The following MICU2 variants were observed in gnomAD, a reference collection of about 807,000 sequenced individuals.
MICU2 encodes the protein mitochondrial calcium uptake 2, also known as calcium uptake protein 2, mitochondrial.
Under a neutral mutation model 60.4 loss-of-function variants are expected in MICU2, and 64 were observed. The observed-to-expected ratio is 1.06, with a 90% CI of 0.87 to 1.31. The LOEUF is 1.31. Among genes scored for constraint, MICU2 ranks in the 50% most tolerant of loss-of-function variants. The pLI is 0.00. For synonymous variants in MICU2, 201 were observed against 175.0 expected, an observed-to-expected ratio of 1.15 and a Z score of -1.17; for missense variants, 569 against 531.0, an observed-to-expected ratio of 1.07 and a Z score of -0.70.
At chr13:21,513,513 G>A (rs762827704) in intron 7 of MICU2, among the ~76,000 whole-genome samples, 1 of 151,834 alleles carries the variant, frequency 6.6e-6, no homozygotes, top group Non-Finnish European at 1.5e-5. Flanking sequence ...CGAAGCGGGC[G>A]GATCACCTGA....
intron 7 of MICU2, 51 bp from the exon 8 acceptor site, chr13:21,510,152 T>G (rs1886392206): frequency 1.3e-5 from 12 of 911,456 alleles, no homozygotes; most frequent in Non-Finnish European, 1.8e-5. Flanking sequence ...AGAATAAAAA[T>G]AGAATCTGTA....
At chr13:21,512,445 A>ATTTT (rs139822285) in intron 7 of MICU2, among the ~76,000 whole-genome samples, 6 of 125,234 alleles carry the variant, frequency 4.8e-5, no homozygotes, top group East Asian at 4.8e-4. Context: ...CAAATTTTTA[A>ATTTT]TTTTTTTTTT....
intron 10 of MICU2, chr13:21,495,850 G>C: frequency 2.2e-6 from 1 of 455,952 alleles, no homozygotes; most frequent in Non-Finnish European, 3.9e-6. Context: ...CTTCTTTTTA[G>C]GAGAATGAGA....
intron 9 of MICU2, among the ~76,000 whole-genome samples, chr13:21,499,733 A>G (rs371126452): frequency 9.9e-5 from 15 of 152,006 alleles, no homozygotes; most frequent in African/African-American, 3.1e-4. Context: ...CTGTACATCT[A>G]TCAGAGGCAC....
At chr13:21,547,047 T>C (rs1032994749) in intron 2 of MICU2, among the ~76,000 whole-genome samples, 9 of 152,178 alleles carry the variant, frequency 5.9e-5, no homozygotes, top group African/African-American at 1.9e-4. Context: ...GCAGTGAAAA[T>C]GGACAGCCTT....
chr13:21,573,691 C>T (rs762618510), intron 1 of MICU2, among the ~76,000 whole-genome samples: 3 of 151,508 alleles, frequency 2.0e-5, no homozygotes, highest in East Asian at 1.9e-4. Flanking sequence ...ATGCCTTGAC[C>T]GCTGCATTCA....
intron 1 of MICU2, among the ~76,000 whole-genome samples, chr13:21,597,005 GA>G (rs1399446129): frequency 6.6e-6 from 1 of 152,142 alleles, no homozygotes; most frequent in African/African-American, 2.4e-5. Context: ...TAATTGAAAT[GA>G]AAATATAATC....
chr13:21,530,076 G>T (rs904771389), intron 4 of MICU2, among the ~76,000 whole-genome samples: 1 of 152,184 alleles, frequency 6.6e-6, no homozygotes, highest in Non-Finnish European at 1.5e-5. Context: ...TAACTCTCCA[G>T]TTCTGCCTCA....
intron 2 of MICU2, among the ~76,000 whole-genome samples, chr13:21,562,299 A>G (rs998245904): frequency 4.6e-5 from 7 of 152,166 alleles, no homozygotes; most frequent in Non-Finnish European, 1.0e-4. Flanking sequence ...TGACTTCCAC[A>G]ATGGTTGAAC....
intron 6 of MICU2, chr13:21,515,756 T>C (rs1303952894): frequency 5.5e-6 from 1 of 182,498 alleles, no homozygotes; most frequent in East Asian, 1.3e-4. Flanking sequence ...ATTACGTTTG[T>C]TTTAGGCAAG....
intron 9 of MICU2, among the ~76,000 whole-genome samples, chr13:21,501,356 G>A (rs894333700): frequency 6.6e-6 from 1 of 151,892 alleles, no homozygotes; most frequent in Non-Finnish European, 1.5e-5. Flanking sequence ...TCTGCCTCCA[G>A]GGTTCACACT....
intron 7 of MICU2, among the ~76,000 whole-genome samples, chr13:21,512,718 A>T (rs1566142816): frequency 6.6e-6 from 1 of 152,054 alleles, no homozygotes; most frequent in Admixed American, 6.6e-5. Context: ...CAAAATGACG[A>T]ATTTTTAATT....
intron 1 of MICU2, among the ~76,000 whole-genome samples, chr13:21,569,630 C>T (rs1888061662): frequency 1.3e-5 from 2 of 151,796 alleles, no homozygotes; most frequent in Admixed American, 6.6e-5. Flanking sequence ...ATCAAGGGGG[C>T]AACTCTGTAG....
chr13:21,534,077 C>CT (rs1887074090), intron 4 of MICU2, among the ~76,000 whole-genome samples: 2 of 138,248 alleles, frequency 1.4e-5, no homozygotes, highest in Non-Finnish European at 3.1e-5. Context: ...GTGAGACTGT[C>CT]TAAAAAAAAA....
At chr13:21,521,373 A>C in intron 5 of MICU2, 46 bp from the exon 6 acceptor site, 1 of 1,501,014 alleles carries the variant, frequency 6.7e-7, no homozygotes, top group Non-Finnish European at 9.1e-7. Flanking sequence ...ATGAAAACCA[A>C]GTTATTTGTA....
chr13:21,503,701 C>A (rs1886232504), intron 8 of MICU2, among the ~76,000 whole-genome samples: 1 of 152,142 alleles, frequency 6.6e-6, no homozygotes, highest in African/African-American at 2.4e-5. Flanking sequence ...AATGGCTTCC[C>A]AGGAAAGGGA....
At chr13:21,583,480 T>C (rs1402698880) in intron 1 of MICU2, among the ~76,000 whole-genome samples, 1 of 152,236 alleles carries the variant, frequency 6.6e-6, no homozygotes. Context: ...ACACTTGGTA[T>C]GTCTGAGAAT....
At chr13:21,552,313 G>A (rs1213664889) in intron 2 of MICU2, among the ~76,000 whole-genome samples, 1 of 152,032 alleles carries the variant, frequency 6.6e-6, no homozygotes, top group African/African-American at 2.4e-5. Context: ...TGAGTTCATT[G>A]TAGATTCTGG....
chr13:21,554,737 C>G (rs1205128652), intron 2 of MICU2, among the ~76,000 whole-genome samples: 1 of 152,040 alleles, frequency 6.6e-6, no homozygotes, highest in African/African-American at 2.4e-5. Flanking sequence ...AATCCAGGAG[C>G]TGGTTTTTTG....
Sources: allele counts gnomAD v4.1 joint callset (sites outside exome capture counted in the v4.1 genomes callset), GRCh38; gene constraint gnomAD v4.1.1; transcripts MANE v1.5; gene names NCBI Gene and HGNC (gene_info 2026-07-23, HGNC 2026-07-21).